Variants in SLIT2 observed in about 807,000 individuals in gnomAD.
SLIT2 encodes the protein slit guidance ligand 2.
A neutral mutation model predicts 185.7 loss-of-function variants in SLIT2; 41 were observed. That is an observed-to-expected ratio of 0.22 (90% CI 0.17 to 0.29). The LOEUF (loss-of-function observed/expected upper bound fraction) is 0.29. SLIT2 is among the 10% of genes least tolerant of loss of function. The probability of loss-of-function intolerance (pLI) is 1.00; values close to 1 mark genes in which losing one functional copy is unlikely to be tolerated. For synonymous variants in SLIT2, 693 were observed against 680.2 expected, an observed-to-expected ratio of 1.02 and a Z score of -0.29; for missense variants, 1,571 against 1,909.0, an observed-to-expected ratio of 0.82 and a Z score of 3.30.
chr4:20,620,239 GA>G lies in SLIT2; in HGVS notation c.*1231del. On this transcript the variant is annotated 3_prime_UTR_variant, in exon 37 of 37. Transcript: ENST00000504154. ...TGCCCTTTTGTGGGGGTGAGGTGGG[GA>G]TAAAAAGACTGTCATATCAAGAACT... 3.1e-6 allele frequency: 1 copy of G among 326,400 alleles called. No individual in the cohort carries two copies. Among genetic ancestry groups the G allele is most frequent in the South Asian group, 2.6e-5 (1 of 38,972 alleles). 20.2% of individuals were successfully genotyped at this position (326,400 alleles called of 1,614,324 possible). A position where few individuals can be genotyped will look rare whatever the true frequency, so the allele number is the denominator to read the frequency against.
chr4:20,509,403 A>C (rs1719501065), intron 9 of SLIT2, among the ~76,000 whole-genome samples: 1 of 152,074 alleles, frequency 6.6e-6, no homozygotes, highest in African/African-American at 2.4e-5. Flanking sequence ...AGGTGGCACC[A>C]ACAGAAAGTA....
chr4:20,554,756 T>C (rs2148896679), intron 26 of SLIT2, among the ~76,000 whole-genome samples: 1 of 150,290 alleles, frequency 6.7e-6, no homozygotes, highest in African/African-American at 2.5e-5. Flanking sequence ...GGGGGGGCTT[T>C]TGTTTTGTTT....
intron 35 of SLIT2, 102 bp downstream of exon 35, chr4:20,617,300 G>A (rs1385727380): frequency 6.4e-6 from 5 of 783,520 alleles, no homozygotes; most frequent in Admixed American, 2.2e-5. Context: ...GAAGGGAGGG[G>A]AGGGGAGGGG....
At chr4:20,367,828 G>A (rs1174832784) in intron 4 of SLIT2, among the ~76,000 whole-genome samples, 2 of 152,060 alleles carry the variant, frequency 1.3e-5, no homozygotes, top group Non-Finnish European at 2.9e-5. Flanking sequence ...TCTCCAGGAA[G>A]CAGGTTGATT....
intron 30 of SLIT2, among the ~76,000 whole-genome samples, chr4:20,594,723 A>C (rs1727837360): frequency 6.6e-6 from 1 of 152,182 alleles, no homozygotes; most frequent in Non-Finnish European, 1.5e-5. Flanking sequence ...GTTTAAAGGG[A>C]GCCTGTGGAA....
chr4:20,467,453 T>C (rs553589868), intron 4 of SLIT2, among the ~76,000 whole-genome samples: 4 of 152,178 alleles, frequency 2.6e-5, no homozygotes, highest in African/African-American at 7.2e-5. Context: ...TTTAAAGAAA[T>C]GTTTTTGTTA....
At chr4:20,542,697 G>T (rs1722906717) in intron 21 of SLIT2, 71 bp downstream of exon 21, 1 of 1,466,306 alleles carries the variant, frequency 6.8e-7, no homozygotes, top group South Asian at 1.2e-5. Context: ...CCAGAGGAAT[G>T]GACAAAAATC....
intron 4 of SLIT2, among the ~76,000 whole-genome samples, chr4:20,370,310 A>T: frequency 6.6e-6 from 1 of 152,128 alleles, no homozygotes; most frequent in Non-Finnish European, 1.5e-5. Flanking sequence ...TGAATATTTC[A>T]ATCGATTATC....
At position 20,590,823 on chromosome 4, in the gene SLIT2, G is replaced by A. The variant is rs559368810; in HGVS notation, c.3182+1086G>A. 2.1e-4 allele frequency among the ~76,000 whole-genome samples: 32 copies of A among 152,296 alleles called. No homozygotes were observed. In the South Asian group the frequency reaches 6.4e-3, roughly 31 times the overall value. ...TTTAAACATGAGGAAACCATGGCCC[G>A]GAGAGGTTAGTTGACTGTCCAGAGA... On this transcript the variant is annotated intron_variant, in intron 30 of 36. Coordinates refer to ENST00000504154, the MANE Select transcript of SLIT2 (RefSeq NM_004787.4).
intron 10 of SLIT2, 54 bp from the exon 11 acceptor site, chr4:20,511,012 G>A (rs1719652205): frequency 8.6e-7 from 1 of 1,162,140 alleles, no homozygotes; most frequent in African/African-American, 1.5e-5. Context: ...TTTTTCCGCA[G>A]TAAATCTCAC....
In SLIT2 at chr4:20,619,415, C is replaced by T. The variant is rs1169844840; in HGVS notation, c.*406C>T. The T allele has an allele frequency of 6.5e-6, 1 of 154,386 alleles. No homozygotes were observed. Among genetic ancestry groups the T allele is most frequent in the African/African-American group, 2.4e-5 (1 of 41,456 alleles). The allele number at this position is 154,386 out of a possible 1,614,324, so 9.6% of individuals were successfully genotyped here. ...CATCAACCAAGTTCACTAGGACATA[C>T]CAAGCACATGCGTGTGAATGAGGAT... On this transcript the variant is annotated 3_prime_UTR_variant, in exon 37 of 37. Coordinates refer to ENST00000504154, the MANE Select transcript of SLIT2 (RefSeq NM_004787.4).
intron 4 of SLIT2, among the ~76,000 whole-genome samples, chr4:20,384,058 C>G (rs1447275868): frequency 6.6e-6 from 1 of 151,130 alleles, no homozygotes; most frequent in South Asian, 2.1e-4. Flanking sequence ...TTTATTCACA[C>G]CAAGGCTTAT....
intron 5 of SLIT2, 32 bp from the exon 6 acceptor site, chr4:20,480,684 T>G: frequency 1.3e-6 from 2 of 1,558,250 alleles, no homozygotes; most frequent in Non-Finnish European, 1.8e-6. Flanking sequence ...TGTCCATCCC[T>G]TCTACATATA....
At chr4:20,465,848 G>C (rs948206441) in intron 4 of SLIT2, among the ~76,000 whole-genome samples, 2 of 152,116 alleles carry the variant, frequency 1.3e-5, no homozygotes, top group African/African-American at 4.8e-5. Context: ...TGAGGTTATA[G>C]GTGGGGAATG....
intron 4 of SLIT2, among the ~76,000 whole-genome samples, chr4:20,314,514 G>C (rs564161855): frequency 2.6e-5 from 4 of 152,016 alleles, no homozygotes; most frequent in African/African-American, 7.2e-5. Flanking sequence ...TGTCCTTGTC[G>C]AGCTTAGTAT....
At chr4:20,303,045 TATTA>T (rs1431920125) in intron 4 of SLIT2, among the ~76,000 whole-genome samples, 3 of 152,232 alleles carry the variant, frequency 2.0e-5, no homozygotes, top group Admixed American at 6.5e-5. Flanking sequence ...CATATTTTAT[TATTA>T]ATTCAAATAA....
intron 4 of SLIT2, among the ~76,000 whole-genome samples, chr4:20,277,121 C>T (rs533527859): frequency 7.6e-4 from 115 of 152,146 alleles, no homozygotes; most frequent in African/African-American, 2.7e-3. Flanking sequence ...TTTATTACCC[C>T]GGATTTATAA....
intron 4 of SLIT2, among the ~76,000 whole-genome samples, chr4:20,332,959 A>G (rs1720192907): frequency 2.0e-5 from 3 of 152,112 alleles, no homozygotes; most frequent in African/African-American, 7.2e-5. Flanking sequence ...TCTATTTTTA[A>G]AAGAAAGGAC....
At chr4:20,320,896 G>T (rs896413099) in intron 4 of SLIT2, among the ~76,000 whole-genome samples, 1 of 152,114 alleles carries the variant, frequency 6.6e-6, no homozygotes, top group African/African-American at 2.4e-5. Flanking sequence ...AGGTGCAGTG[G>T]CCCATGCCTG....
Sources: allele counts gnomAD v4.1 joint callset (sites outside exome capture counted in the v4.1 genomes callset), GRCh38; gene constraint gnomAD v4.1.1; transcripts MANE v1.5; gene names NCBI Gene and HGNC (gene_info 2026-07-23, HGNC 2026-07-21).